Variants in IRF8 observed in about 807,000 individuals in gnomAD.
IRF8 encodes the protein interferon consensus sequence binding protein 1.
A neutral mutation model predicts 48.7 loss-of-function variants in IRF8; 14 were observed. The observed-to-expected ratio is 0.29, with a 90% CI of 0.19 to 0.45. The LOEUF (loss-of-function observed/expected upper bound fraction) is 0.45, where lower values mean the gene tolerates loss of function less well. Ranked by LOEUF, IRF8 falls within the 20% of genes least tolerant of loss-of-function variation. The pLI, the probability that IRF8 is intolerant of heterozygous loss-of-function variation, is 1.00. For missense variants in IRF8, 493 were observed against 580.7 expected, an observed-to-expected ratio of 0.85 and a Z score of 1.55; for synonymous variants, 278 against 227.3, an observed-to-expected ratio of 1.22 and a Z score of -2.01.
intron 2 of IRF8, among the ~76,000 whole-genome samples, chr16:85,908,596 G>C (rs1905064940): frequency 6.6e-6 from 1 of 152,194 alleles, no homozygotes; most frequent in South Asian, 2.1e-4. Context: ...GCAACAACTT[G>C]TTCTTTGTTT....
At position 85,918,714 on chromosome 16, in the gene IRF8, G is replaced by T; in HGVS notation, c.899G>T (p.Ser300Ile). 1 of 1,612,642 alleles carries T rather than the reference G, an allele frequency of 6.2e-7. No homozygotes were observed. Among genetic ancestry groups the T allele is most frequent in the Non-Finnish European group, 8.5e-7 (1 of 1,180,024 alleles). Residue 300 changes from serine (S) to isoleucine (I), a missense_variant, in exon 7 of 9, where the codon AGC becomes ATC. By Grantham distance (142) the Ser-to-Ile change is moderately radical. This residue lies in a region of IRF8 where 408 missense variants were observed against 449.6 expected (regional missense o/e 0.91). Coordinates refer to ENST00000268638, the MANE Select transcript of IRF8 (RefSeq NM_002163.4). ...CTGTGCCAGGGCCGCGTGTTCTGCA[G>T]CGGCAACGCCGTGGTGTGCAAAGGC... ...KRLCQGRVFC[S>I]GNAVVCKGRP...
chr16:85,914,577 A>T, intron 6 of IRF8, 57 bp downstream of exon 6: 1 of 1,601,274 alleles, frequency 6.2e-7, no homozygotes, highest in Non-Finnish European at 8.6e-7. Context: ...CAAAGCCCAG[A>T]TAACCCAAGC....
chr16:85,912,581 T>C (rs1259565404), intron 4 of IRF8, among the ~76,000 whole-genome samples: 1 of 152,232 alleles, frequency 6.6e-6, no homozygotes, highest in Non-Finnish European at 1.5e-5. Flanking sequence ...AATGTCCTGT[T>C]TTCTGTAGAA....
In IRF8 at chr16:85,918,613, G is replaced by A. The variant is rs1905410457; in HGVS notation, c.798G>A (p.Val266=). 1.2e-6 allele frequency: 2 copies of A among 1,607,462 alleles called. No individual in the cohort carries two copies. The highest frequency in any genetic ancestry group is 2.7e-5 in the African/African-American group (2 of 74,928). Residue 266 remains valine (V), a synonymous_variant, in exon 7 of 9, where the codon GTG becomes GTA. Coordinates refer to ENST00000268638, the MANE Select transcript of IRF8 (RefSeq NM_002163.4). ...TCCCCAGCGAGCGACAGAGGCAGGT[G>A]ACGCGGAAGCTGTTCGGGCACCTGG... ...DAIPSERQRQ[V]TRKLFGHLER...
At chr16:85,918,093 C>T (rs537254988) in intron 6 of IRF8, among the ~76,000 whole-genome samples, 1 of 152,162 alleles carries the variant, frequency 6.6e-6, no homozygotes, top group East Asian at 1.9e-4. Flanking sequence ...GTCGAAACAT[C>T]GTTTGCCCTC....
chr16:85,907,353 A>G (rs1161855810), intron 2 of IRF8, among the ~76,000 whole-genome samples: 1 of 152,206 alleles, frequency 6.6e-6, no homozygotes, highest in East Asian at 1.9e-4. Context: ...TCTCCTGGGT[A>G]GCTAAATCCA....
chr16:85,917,109 C>T (rs1404904812), intron 6 of IRF8, among the ~76,000 whole-genome samples: 2 of 152,026 alleles, frequency 1.3e-5, no homozygotes, highest in African/African-American at 4.8e-5. Flanking sequence ...TCTGAGTGCC[C>T]AGCAGTGTCA....
chr16:85,911,567 T>C lies in IRF8; in HGVS notation c.359-3T>C. The C allele has an allele frequency of 6.2e-7, 1 of 1,613,756 alleles. No homozygotes were observed. Among genetic ancestry groups the C allele is most frequent in the South Asian group, 1.1e-5 (1 of 91,068 alleles). On this transcript the variant is annotated splice_region_variant and splice_polypyrimidine_tract_variant and intron_variant, in intron 3 of 8. Coordinates refer to ENST00000268638, the MANE Select transcript of IRF8 (RefSeq NM_002163.4). ...GTCATGGTGTTTGTCTGGTTTTCTGTAGGCAAACTAGGCGTGGCAACTGCT... is the reference window on the plus strand; with the variant it reads ...GTCATGGTGTTTGTCTGGTTTTCTGCAGGCAAACTAGGCGTGGCAACTGCT...
chr16:85,910,502 A>C (rs1214727407), intron 3 of IRF8, among the ~76,000 whole-genome samples: 1 of 152,148 alleles, frequency 6.6e-6, no homozygotes, highest in Non-Finnish European at 1.5e-5. Context: ...TTATCACCAA[A>C]AAGTAAAGTG....
At chr16:85,912,419 G>A (rs1383495343) in intron 4 of IRF8, among the ~76,000 whole-genome samples, 1 of 152,154 alleles carries the variant, frequency 6.6e-6, no homozygotes, top group African/African-American at 2.4e-5. Context: ...AGCAATAATG[G>A]AATCCTTAAG....
At chr16:85,914,321 A>C in intron 5 of IRF8, 152 bp from the exon 6 acceptor site, 1 of 808,008 alleles carries the variant, frequency 1.2e-6, no homozygotes, top group Non-Finnish European at 2.1e-6. Context: ...GGTGGGGAAA[A>C]GCACTGAATT....
chr16:85,902,628 G>C, intron 1 of IRF8: 1 of 305,070 alleles, frequency 3.3e-6, no homozygotes, highest in Non-Finnish European at 6.4e-6. Context: ...GCTCAGTGAA[G>C]GAACCTGGTG....
chr16:85,900,215 T>C (rs1048601810), intron 1 of IRF8, among the ~76,000 whole-genome samples: 5 of 152,286 alleles, frequency 3.3e-5, no homozygotes, highest in Middle Eastern at 3.4e-3. Context: ...GGGTGGGGTC[T>C]GCTGCTGCCA....
Position 85,914,621 on chromosome 16 carries a change from G to A in IRF8, c.601+101G>A, listed in dbSNP as rs1597254688. 4 of 1,340,050 alleles carry A rather than the reference G, an allele frequency of 3.0e-6. No individual in the cohort carries two copies. The East Asian group carries it at 9.5e-5, about 32-fold the overall frequency. 83.0% of individuals were successfully genotyped at this position (1,340,050 alleles called of 1,614,324 possible). On this transcript the variant is annotated intron_variant, in intron 6 of 8. Transcript: ENST00000268638. ...GGGGTTTCGAGGATGAGCAGGACCTGGTGTGGAAGTCTAGGCCTGGTTCCA... is the reference window on the plus strand; with the variant it reads ...GGGGTTTCGAGGATGAGCAGGACCTAGTGTGGAAGTCTAGGCCTGGTTCCA...
chr16:85,914,560 T>A, intron 6 of IRF8, 40 bp downstream of exon 6: 2 of 1,611,948 alleles, frequency 1.2e-6, no homozygotes, highest in Non-Finnish European at 1.7e-6. Context: ...TGGGCACTGT[T>A]TGAAGACAAA....
At chr16:85,916,667 C>T (rs565457785) in intron 6 of IRF8, among the ~76,000 whole-genome samples, 7 of 152,272 alleles carry the variant, frequency 4.6e-5, no homozygotes, top group African/African-American at 7.2e-5. Context: ...GATAAGGCCC[C>T]GGAAATGACA....
intron 6 of IRF8, among the ~76,000 whole-genome samples, chr16:85,917,782 A>G (rs1325331203): frequency 6.6e-6 from 1 of 152,216 alleles, no homozygotes; most frequent in East Asian, 1.9e-4. Context: ...TTGTGATTAC[A>G]TGTATCACCC....
intron 1 of IRF8, among the ~76,000 whole-genome samples, chr16:85,899,853 A>G (rs1904771140): frequency 6.6e-6 from 1 of 152,226 alleles, no homozygotes; most frequent in Non-Finnish European, 1.5e-5. Flanking sequence ...AATGAGTCCC[A>G]ATACATAGGA....
At chr16:85,902,101 G>A (rs942728041) in intron 1 of IRF8, among the ~76,000 whole-genome samples, 1 of 152,016 alleles carries the variant, frequency 6.6e-6, no homozygotes, top group African/African-American at 2.4e-5. Context: ...ATGTCTTTGG[G>A]TGCCCTGGGA....
Sources: gnomAD v4.1 joint callset for allele counts (sites outside exome capture counted in the v4.1 genomes callset) on GRCh38, gnomAD v4.1.1 for gene constraint, gnomAD v4.1.1 regional missense constraint, MANE v1.5 for transcripts, NCBI Gene and HGNC (gene_info 2026-07-23, HGNC 2026-07-21) for gene names.